Variants in LARGE1 observed in about 807,000 individuals in gnomAD.
LARGE1 encodes xylosyl- and glucuronyltransferase LARGE1.
Under a neutral mutation model 87.6 loss-of-function variants are expected in LARGE1, and 43 were observed. The ratio of observed to expected loss-of-function variants is 0.49; its 90% confidence interval spans 0.38 to 0.63. The LOEUF (loss-of-function observed/expected upper bound fraction) is 0.63, where lower values mean the gene tolerates loss of function less well. LARGE1 is among the 30% of genes least tolerant of loss of function. The pLI, the probability that LARGE1 is intolerant of heterozygous loss-of-function variation, is 0.00. For missense variants in LARGE1, 802 were observed against 1,000.2 expected (o/e 0.80, Z 2.67); for synonymous variants, 434 against 394.6 (o/e 1.10, Z -1.18).
At chr22:33,179,305 C>T (rs1257592084) in intron 11 of LARGE1, among the ~76,000 whole-genome samples, 1 of 152,180 alleles carries the variant, frequency 6.6e-6, no homozygotes, top group African/African-American at 2.4e-5. Flanking sequence ...AGACAGCTGT[C>T]ATTTAGAATG....
chr22:33,578,961 C>T (rs1239772007), intron 5 of LARGE1, among the ~76,000 whole-genome samples: 1 of 152,166 alleles, frequency 6.6e-6, no homozygotes, highest in Non-Finnish European at 1.5e-5. Flanking sequence ...TAAAGGACTG[C>T]AAGTGGCCAG....
intron 2 of LARGE1, among the ~76,000 whole-genome samples, chr22:33,727,176 A>G (rs928820844): frequency 1.3e-5 from 2 of 152,136 alleles, no homozygotes; most frequent in Admixed American, 6.5e-5. Flanking sequence ...GATGTTTTCT[A>G]TTTCTTATGA....
At chr22:33,230,724 A>C (rs1262456836) in intron 11 of LARGE1, among the ~76,000 whole-genome samples, 1 of 152,212 alleles carries the variant, frequency 6.6e-6, no homozygotes, top group East Asian at 1.9e-4. Context: ...ACTGGTCAGA[A>C]GAATTTTGAA....
intron 5 of LARGE1, among the ~76,000 whole-genome samples, chr22:33,593,322 C>T (rs1275729904): frequency 3.3e-5 from 5 of 152,154 alleles, no homozygotes; most frequent in East Asian, 1.9e-4. Flanking sequence ...GGATTACAGG[C>T]GTGAGCCACT....
chr22:33,592,647 C>T (rs780313007), intron 5 of LARGE1, among the ~76,000 whole-genome samples: 2 of 152,156 alleles, frequency 1.3e-5, no homozygotes, highest in East Asian at 3.9e-4. Context: ...TTGCAACTGA[C>T]TTAAAACAAT....
chr22:33,337,941 G>A (rs1228895749), intron 9 of LARGE1, 140 bp from the exon 10 acceptor site: 1 of 945,014 alleles, frequency 1.1e-6, no homozygotes, highest in Non-Finnish European at 1.6e-6. Flanking sequence ...TTTTGGCAGA[G>A]TGGTTAAGGG....
chr22:33,915,030 C>CAG (rs1569031620), intron 1 of LARGE1, among the ~76,000 whole-genome samples: 1 of 116,100 alleles, frequency 8.6e-6, no homozygotes, highest in African/African-American at 3.2e-5. Flanking sequence ...CACACACACA[C>CAG]ACACACACAC....
At chr22:33,801,805 A>AC (rs899407388) in intron 1 of LARGE1, among the ~76,000 whole-genome samples, 1 of 151,992 alleles carries the variant, frequency 6.6e-6, no homozygotes, top group East Asian at 1.9e-4. Flanking sequence ...ATTACCTGAT[A>AC]CCCCCCGCTT....
At position 33,375,609 on chromosome 22, in the gene LARGE1, G is replaced by C. The variant is rs186089495; in HGVS notation, c.1131+6310C>G. On this transcript the variant is annotated intron_variant, in intron 9 of 14. Transcript: ENST00000397394. ...TATGTATAAACTGCCTGACTTCTAG[G>C]GTTCTCAGCCTTAGAGTAGATGAAT... Among the ~76,000 whole-genome samples the C allele has an allele frequency of 1.1e-3, 168 of 152,296 alleles. 1 individual carries two copies. Among genetic ancestry groups the C allele is most frequent in the Non-Finnish European group, 8.7e-4 (59 of 68,038 alleles).
chr22:33,177,270 G>A (rs772661182), intron 11 of LARGE1, among the ~76,000 whole-genome samples: 1 of 152,020 alleles, frequency 6.6e-6, no homozygotes, highest in Non-Finnish European at 1.5e-5. Context: ...AAACCTGCAC[G>A]TTCTGCACAT....
chr22:33,915,116 T>C (rs2065750326), intron 1 of LARGE1, among the ~76,000 whole-genome samples: 1 of 151,630 alleles, frequency 6.6e-6, no homozygotes, highest in African/African-American at 2.4e-5. Context: ...CTAAAAACTA[T>C]ACTAAATATA....
At chr22:33,192,752 T>C (rs967228176) in intron 11 of LARGE1, among the ~76,000 whole-genome samples, 1 of 152,212 alleles carries the variant, frequency 6.6e-6, no homozygotes, top group African/African-American at 2.4e-5. Flanking sequence ...CCCAGATTAA[T>C]GTCAAGAGGC....
intron 2 of LARGE1, among the ~76,000 whole-genome samples, chr22:33,704,328 T>C (rs1436031283): frequency 6.6e-6 from 1 of 152,200 alleles, no homozygotes; most frequent in African/African-American, 2.4e-5. Context: ...TTACTGGAAA[T>C]TGGGGATTTC....
intron 6 of LARGE1, among the ~76,000 whole-genome samples, chr22:33,529,060 C>CT: frequency 6.6e-6 from 1 of 152,314 alleles, no homozygotes; most frequent in South Asian, 2.1e-4. Flanking sequence ...TGGAATAGCA[C>CT]TTTTTTTCCT....
In LARGE1 at chr22:33,464,895, A is replaced by G. The variant is rs28482051; in HGVS notation, c.788-32630T>C. Among the ~76,000 whole-genome samples, 128 of 144,680 alleles carry G rather than the reference A, an allele frequency of 8.8e-4. 1 individual carries two copies. The highest frequency in any genetic ancestry group is 3.0e-3 in the African/African-American group (106 of 35,308). The allele number at this position is 144,680 out of a possible 152,430, so 94.9% of individuals were successfully genotyped here. On this transcript the variant is annotated intron_variant, in intron 6 of 14. Transcript: ENST00000397394. ...ACTGCACACACATGCACACACATAC[A>G]CACACACACACATACACATGCACAC...
At chr22:33,371,023 T>C (rs2064789727) in intron 9 of LARGE1, among the ~76,000 whole-genome samples, 1 of 150,728 alleles carries the variant, frequency 6.6e-6, no homozygotes, top group African/African-American at 2.4e-5. Flanking sequence ...TGAAATATAA[T>C]ATTCATAGTA....
chr22:33,284,110 CAT>C (rs1273303880), intron 12 of LARGE1, among the ~76,000 whole-genome samples: 1 of 152,044 alleles, frequency 6.6e-6, no homozygotes, highest in African/African-American at 2.4e-5. Context: ...GAACCTCCCA[CAT>C]GTTTTCAGTG....
chr22:33,166,862 G>T (rs949395973), intron 11 of LARGE1: 5 of 471,130 alleles, frequency 1.1e-5, no homozygotes, highest in Non-Finnish European at 2.2e-5. Context: ...AGAAAGGGTT[G>T]ATTCAAAGTG....
chr22:33,283,049 A>C lies in LARGE1; in HGVS notation c.1877+153T>G, dbSNP rs181691160. 1.1e-3 allele frequency among the ~76,000 whole-genome samples: 166 copies of C among 152,330 alleles called. No individual in the cohort carries two copies. The highest frequency in any genetic ancestry group is 3.4e-3 in the Middle Eastern group (1 of 294). ...GGCATGGGGAGAGGAGGGAGATTAC[A>C]AGGACGTTGTCTGGAGAAAGCGGTG... On this transcript the variant is annotated intron_variant, in intron 13 of 14. Transcript: ENST00000397394.
Sources: allele counts gnomAD v4.1 joint callset (sites outside exome capture counted in the v4.1 genomes callset), GRCh38; gene constraint gnomAD v4.1.1; transcripts MANE v1.5; gene names NCBI Gene and HGNC (gene_info 2026-07-23, HGNC 2026-07-21).